BAZ2B: variants seen among roughly 807,000 people sequenced by gnomAD.
BAZ2B encodes bromodomain adjacent to zinc finger domain protein 2B.
Under a neutral mutation model 246.0 loss-of-function variants are expected in BAZ2B, and 91 were observed. The ratio of observed to expected loss-of-function variants is 0.37; its 90% confidence interval spans 0.31 to 0.44. The LOEUF is 0.44. Among genes scored for constraint, BAZ2B ranks in the 20% least tolerant of loss-of-function variants. The pLI is 1.00. For missense variants in BAZ2B, 2,332 were observed against 2,533.7 expected (o/e 0.92, Z 1.71); for synonymous variants, 855 against 860.0 (o/e 0.99, Z 0.10).
At chr2:159,423,607 T>C (rs11694403) in intron 13 of BAZ2B, among the ~76,000 whole-genome samples, 50,437 of 152,052 alleles carry the variant, frequency 0.33, 9,939 homozygotes, top group Non-Finnish European at 0.47. Flanking sequence ...AGCAAAGACA[T>C]GGAATCAACC....
At chr2:159,390,590 AC>A (rs1284817017) in intron 20 of BAZ2B, among the ~76,000 whole-genome samples, 1 of 152,126 alleles carries the variant, frequency 6.6e-6, no homozygotes, top group African/African-American at 2.4e-5. Flanking sequence ...GTAAGCAAGC[AC>A]CCTGACTGCT....
chr2:159,325,863 T>G lies in BAZ2B; in HGVS notation c.5999A>C (p.Asn2000Thr), dbSNP rs148382881. The stretch of plus-strand genomic sequence containing the variant: ...TACCTTCTTGCCTTTCTTTGACTCA[T>G]TAGTCTTTTTTCCTTTGACATGAAG... Reference protein sequence around the residue: ...KKLHVKGKKTNESKKGKKVTL... With the variant: ...KKLHVKGKKTTESKKGKKVTL... The change falls in exon 35 of 37, where the codon AAT (asparagine) becomes ACT (threonine). Residue 2000 changes from asparagine (N) to threonine (T), a missense_variant. Physicochemically the swap from Asn to Thr is moderately conservative, Grantham distance 65. Coordinates refer to ENST00000392783, the MANE Select transcript of BAZ2B (RefSeq NM_013450.4). 1.2e-6 allele frequency: 2 copies of G among 1,600,686 alleles called. No homozygotes were observed. Among genetic ancestry groups the G allele is most frequent in the South Asian group, 2.3e-5 (2 of 86,686 alleles).
chr2:159,604,139 G>T (rs1222112963), intron 1 of BAZ2B, among the ~76,000 whole-genome samples: 1 of 152,120 alleles, frequency 6.6e-6, no homozygotes, highest in Non-Finnish European at 1.5e-5. Flanking sequence ...TAAGTAACTG[G>T]CAAGTTGTAC....
At chr2:159,511,464 C>T (rs2082914152) in intron 2 of BAZ2B, among the ~76,000 whole-genome samples, 1 of 152,142 alleles carries the variant, frequency 6.6e-6, no homozygotes, top group African/African-American at 2.4e-5. Context: ...CCTTGGCCAC[C>T]CAAAGTGCTG....
At position 159,428,369 on chromosome 2, in the gene BAZ2B, T is replaced by A; in HGVS notation, c.2306A>T (p.Glu769Val). Residue 769 changes from glutamate to valine, a missense_variant, in exon 12 of 37, where the codon GAA (glutamate) becomes GTA (valine). Physicochemically the swap from Glu to Val is moderately radical, Grantham distance 121. Transcript: ENST00000392783. ...IRNFGGRLQG[E>V]VAYYAPCGKK... ...TCCACATGGAGCATAATATGCTACT[T>A]CTCCTTGAAGGCGCCCTCCAAAGTT... The A allele has an allele frequency of 6.2e-7, 1 of 1,613,390 alleles. No individual in the cohort carries two copies. Among genetic ancestry groups the A allele is most frequent in the Non-Finnish European group, 8.5e-7 (1 of 1,179,640 alleles).
chr2:159,608,314 G>A (rs1693973045), intron 1 of BAZ2B, among the ~76,000 whole-genome samples: 1 of 152,224 alleles, frequency 6.6e-6, no homozygotes, highest in African/African-American at 2.4e-5. Context: ...GGTTGAAGCT[G>A]CAGTAAACTG....
intron 1 of BAZ2B, among the ~76,000 whole-genome samples, chr2:159,595,507 GTGT>G (rs1436207909): frequency 1.3e-5 from 2 of 152,164 alleles, no homozygotes; most frequent in South Asian, 2.1e-4. Context: ...GTAAAAAGTG[GTGT>G]TGTGTGTGCT....
rs1164577885 is a variant in BAZ2B at position 159,427,928 on chromosome 2, A to T, written c.2466+13T>A. The T allele has an allele frequency of 1.2e-6, 2 of 1,607,456 alleles. No homozygotes were observed. Among genetic ancestry groups the T allele is most frequent in the Non-Finnish European group, 1.7e-6 (2 of 1,174,826 alleles). ...TTTTGGTTCAAAGACTATACTTTTTAAAAAGTGGATACCTGCGGTCCATCT... is the reference window on the plus strand; with the variant it reads ...TTTTGGTTCAAAGACTATACTTTTTTAAAAGTGGATACCTGCGGTCCATCT... On this transcript the variant is annotated intron_variant, in intron 13 of 36. Coordinates refer to ENST00000392783, the MANE Select transcript of BAZ2B (RefSeq NM_013450.4).
chr2:159,607,996 TCTGTGGTGGATGTCA>T (rs1486186947), intron 1 of BAZ2B, among the ~76,000 whole-genome samples: 2 of 152,230 alleles, frequency 1.3e-5, no homozygotes, highest in African/African-American at 2.4e-5. Context: ...TATGTGCAAT[TCTGTGGTGGATGTCA>T]CTGAGTCACT....
chr2:159,547,909 T>C (rs2087604903), intron 2 of BAZ2B, among the ~76,000 whole-genome samples: 1 of 152,208 alleles, frequency 6.6e-6, no homozygotes, highest in Non-Finnish European at 1.5e-5. Context: ...GCTAAACTTA[T>C]ATCTGTGCAG....
intron 6 of BAZ2B, among the ~76,000 whole-genome samples, chr2:159,439,638 C>A (rs1446600405): frequency 2.0e-5 from 3 of 152,170 alleles, no homozygotes; most frequent in Non-Finnish European, 4.4e-5. Context: ...GCCACACACA[C>A]CTTTCTGGGT....
At chr2:159,352,055 C>G (rs896138949) in intron 27 of BAZ2B, among the ~76,000 whole-genome samples, 18 of 152,236 alleles carry the variant, frequency 1.2e-4, no homozygotes, top group Admixed American at 2.0e-4. Flanking sequence ...GAATAAAAAC[C>G]AAACTCCTAA....
the BAZ2B span, among the ~76,000 whole-genome samples, chr2:159,634,380 TC>T: frequency 2.0e-5 from 3 of 152,130 alleles, no homozygotes; most frequent in South Asian, 6.2e-4. Context: ...GTCAAGCACT[TC>T]CCCCCTTACA....
intron 2 of BAZ2B, among the ~76,000 whole-genome samples, chr2:159,508,106 A>G (rs1212943828): frequency 6.6e-6 from 1 of 152,148 alleles, no homozygotes; most frequent in African/African-American, 2.4e-5. Flanking sequence ...CCTGGCCTCA[A>G]GCAATCTACC....
chr2:159,323,265 G>A (rs1176132450), intron 36 of BAZ2B, among the ~76,000 whole-genome samples: 7 of 151,964 alleles, frequency 4.6e-5, no homozygotes, highest in Non-Finnish European at 1.0e-4. Flanking sequence ...GATTACAGGC[G>A]TGAGCCACCT....
chr2:159,510,253 G>A (rs147015548), intron 2 of BAZ2B, among the ~76,000 whole-genome samples: 182 of 152,248 alleles, frequency 1.2e-3, no homozygotes, highest in African/African-American at 4.2e-3. Context: ...TGCGATCACA[G>A]TTTACTGCAG....
At chr2:159,643,184 C>T in the BAZ2B span, among the ~76,000 whole-genome samples, 3 of 152,118 alleles carry the variant, frequency 2.0e-5, no homozygotes, top group South Asian at 2.1e-4. Context: ...TGGGTTGCCA[C>T]AACAAAATAC....
rs116107945 is a variant in BAZ2B, at chr2:159,347,032, T to C, written c.5454+454A>G. ...ATATTGGTCTCCAAATTAAACTATA[T>C]AGTATAAAAGTCTGACATATAACAA... On this transcript the variant is annotated intron_variant, in intron 31 of 36. Transcript: ENST00000392783. Among the ~76,000 whole-genome samples the C allele has an allele frequency of 2.7e-3, 411 of 152,288 alleles. 2 individuals are homozygous for C. The highest frequency in any genetic ancestry group is 9.6e-3 in the African/African-American group (398 of 41,544).
In BAZ2B at chr2:159,397,409, T is replaced by C. The variant is rs762839233; in HGVS notation, c.2965-20A>G. 2.7e-6 allele frequency: 4 copies of C among 1,457,994 alleles called. No individual in the cohort carries two copies. The highest frequency in any genetic ancestry group is 3.8e-6 in the Non-Finnish European group (4 of 1,064,408). The allele number at this position is 1,457,994 out of a possible 1,614,324, so 90.3% of individuals were successfully genotyped here. A position where few individuals can be genotyped will look rare whatever the true frequency, so the allele number is the denominator to read the frequency against. ...TTTTTCCTTAAAAATAAGAAACTTT[T>C]AATACGTGATTTTTAGAGAAGATTT... On this transcript the variant is annotated intron_variant, in intron 18 of 36. Transcript: ENST00000392783.
Sources: gnomAD v4.1 joint callset for allele counts (sites outside exome capture counted in the v4.1 genomes callset) on GRCh38, gnomAD v4.1.1 for gene constraint, MANE v1.5 for transcripts, NCBI Gene and HGNC (gene_info 2026-07-23, HGNC 2026-07-21) for gene names.